The following PRG4 variants were observed in gnomAD, a reference collection of about 807,000 sequenced individuals.
PRG4 encodes the protein proteoglycan 4, also known as articular superficial zone protein.
PRG4 carries 61 observed loss-of-function variants against 91.2 expected under a neutral mutation model. That is an observed-to-expected ratio of 0.67 (90% CI 0.54 to 0.83). The LOEUF (loss-of-function observed/expected upper bound fraction) is 0.83. Among genes scored for constraint, PRG4 ranks in the 40% least tolerant of loss-of-function variants. The pLI, the probability that PRG4 is intolerant of heterozygous loss-of-function variation, is 0.00. For missense variants in PRG4, 1,564 were observed against 1,714.2 expected (o/e 0.91, Z 1.55); for synonymous variants, 576 against 614.2 (o/e 0.94, Z 0.92).
Position 186,304,782 on chromosome 1 carries a change from T to G in PRG4, c.470-12T>G. On this transcript the variant is annotated splice_polypyrimidine_tract_variant and intron_variant, in intron 5 of 12. Transcript: ENST00000445192. ...ACAGTTGGTGTGATCAAACTTTCTA[T>G]TTGATTTATAGAACATTCTGTTTCT... is the stretch of plus-strand genomic sequence containing the variant. 2.5e-6 allele frequency: 4 copies of G among 1,610,062 alleles called. No homozygotes were observed. Among genetic ancestry groups the G allele is most frequent in the Non-Finnish European group, 3.4e-6 (4 of 1,176,582 alleles).
chr1:186,303,812 G>C (rs1440561585), intron 4 of PRG4, among the ~76,000 whole-genome samples: 3 of 152,180 alleles, frequency 2.0e-5, no homozygotes, highest in African/African-American at 7.2e-5. Context: ...TGAAGTTCAA[G>C]ATAATTATTT....
chr1:186,301,457 C>A, intron 3 of PRG4, 135 bp from the exon 4 acceptor site: 1 of 1,291,218 alleles, frequency 7.7e-7, no homozygotes, highest in East Asian at 2.5e-5. Flanking sequence ...GGATGATGTA[C>A]TCCAAATTTC....
Position 186,306,851 on chromosome 1 carries a change from C to T in PRG4, c.1132C>T (p.Pro378Ser), listed in dbSNP as rs1417592943. The stretch of plus-strand genomic sequence containing the variant: ...CACCATCAAGTCTGCACCCACCACC[C>T]CCAAGGAGCCTGCACCCACCACCAC... ...PTTIKSAPTT[P>S]KEPAPTTTKS... Residue 378 changes from proline to serine, a missense_variant, in exon 7 of 13, where the codon CCC (proline) becomes TCC (serine). By Grantham distance (74) the Pro-to-Ser change is moderately conservative. Around this residue, in one of 3 missense-constraint regions of PRG4, gnomAD observed 437 missense variants for 459.0 expected, o/e 0.95. Transcript: ENST00000445192. 24 of 1,602,122 alleles carry T rather than the reference C, an allele frequency of 1.5e-5. No homozygotes were observed. The highest frequency in any genetic ancestry group is 1.4e-5 in the Non-Finnish European group (17 of 1,176,096).
chr1:186,299,755 A>C (rs1209575280), intron 2 of PRG4, among the ~76,000 whole-genome samples: 1 of 152,206 alleles, frequency 6.6e-6, no homozygotes, highest in Non-Finnish European at 1.5e-5. Flanking sequence ...AGAGAAGCTC[A>C]ATAAATGGCA....
chr1:186,298,083 A>G (rs1442059894), intron 2 of PRG4, among the ~76,000 whole-genome samples: 2 of 152,224 alleles, frequency 1.3e-5, no homozygotes, highest in Non-Finnish European at 2.9e-5. Flanking sequence ...TAAATAAATC[A>G]AATTAAAATT....
chr1:186,300,439 G>A (rs1474164866), intron 3 of PRG4, among the ~76,000 whole-genome samples: 1 of 152,186 alleles, frequency 6.6e-6, no homozygotes, highest in East Asian at 1.9e-4. Context: ...GATTATTGGG[G>A]AGGGTAAGGG....
At position 186,307,630 on chromosome 1, in the gene PRG4, T is replaced by C. The variant is rs549499549; in HGVS notation, c.1911T>C (p.Pro637=). ...CCGAGAAGCTCGCACCCACCACCCC[T>C]GAGAAGCCCGCACCCACCACCCCTG... is the stretch of plus-strand genomic sequence containing the variant. ...TTPEKLAPTT[P]EKPAPTTPEE... The change falls in exon 7 of 13, where the codon CCT becomes CCC. Residue 637 remains proline, a synonymous_variant. Coordinates refer to ENST00000445192, the MANE Select transcript of PRG4 (RefSeq NM_005807.6). 8.4e-4 allele frequency: 801 copies of C among 954,182 alleles called. 1 individual carries two copies. The highest frequency in any genetic ancestry group is 8.7e-4 in the Non-Finnish European group (684 of 784,800). The allele number at this position is 954,182 out of a possible 1,614,324, so 59.1% of individuals were successfully genotyped here.
At chr1:186,311,985 T>C (rs1184007382) in intron 10 of PRG4, 190 bp from the exon 11 acceptor site, 10 of 583,742 alleles carry the variant, frequency 1.7e-5, no homozygotes, top group Non-Finnish European at 6.0e-6. Flanking sequence ...CATCTATTCA[T>C]TCAACAAGTA....
At chr1:186,313,044 T>G (rs1289545499) in intron 12 of PRG4, 150 bp downstream of exon 12, 2 of 819,226 alleles carry the variant, frequency 2.4e-6, no homozygotes, top group East Asian at 5.3e-5. Flanking sequence ...GTTAAGACTT[T>G]TGCTTTAATT....
At chr1:186,300,460 G>A (rs2102010428) in intron 3 of PRG4, among the ~76,000 whole-genome samples, 2 of 152,338 alleles carry the variant, frequency 1.3e-5, no homozygotes, top group South Asian at 4.1e-4. Flanking sequence ...GAGCCTGGAA[G>A]TCTGTCACTT....
At chr1:186,296,628 A>C (rs114140926) in intron 1 of PRG4, among the ~76,000 whole-genome samples, 8 of 152,340 alleles carry the variant, frequency 5.3e-5, no homozygotes, top group African/African-American at 1.4e-4. Context: ...TAAAACTGTC[A>C]ATAACGTGGC....
Position 186,307,125 on chromosome 1 carries a change from C to A in PRG4, c.1406C>A (p.Pro469His), listed in dbSNP as rs2102022557. Residue 469 changes from proline (P) to histidine (H), a missense_variant, in exon 7 of 13, where the codon CCC (proline) becomes CAC (histidine). Physicochemically the swap from Pro to His is moderately conservative, Grantham distance 77 (BLOSUM62 -2). Coordinates refer to ENST00000445192, the MANE Select transcript of PRG4 (RefSeq NM_005807.6). ...CCCACCACTCCCAAGGAGCCTGCACCCACCACCAAGGAGCCTGCACCCACC... is the reference window on the plus strand; with the variant it reads ...CCCACCACTCCCAAGGAGCCTGCACACACCACCAAGGAGCCTGCACCCACC... Reference protein sequence around the residue: ...PTPTTPKEPAPTTKEPAPTTP... With the variant: ...PTPTTPKEPAHTTKEPAPTTP... 3 of 1,588,098 alleles carry A rather than the reference C, an allele frequency of 1.9e-6. No individual in the cohort carries two copies. In the East Asian group the frequency reaches 6.9e-5, roughly 37 times the overall value.
chr1:186,304,864 G>GA lies in PRG4; in HGVS notation c.544dup (p.Ile182AsnfsTer10), dbSNP rs780377387. 2 of 1,612,976 alleles carry GA rather than the reference G, an allele frequency of 1.2e-6. No individual in the cohort carries two copies. Among genetic ancestry groups the GA allele is most frequent in the South Asian group, 1.1e-5 (1 of 91,046 alleles). ...CTTCCTCTTCTTCTTCAACAATTCGGAAAATCAAGTCTTCCAAAAATTCAG... is the reference window on the plus strand; with the variant it reads ...CTTCCTCTTCTTCTTCAACAATTCGGAAAAATCAAGTCTTCCAAAAATTCAG... On this transcript the variant is annotated frameshift_variant, in exon 6 of 13. Transcript: ENST00000445192. LOFTEE classifies it high-confidence loss of function.
intron 9 of PRG4, 113 bp downstream of exon 9, chr1:186,311,283 C>G (rs966093153): frequency 7.0e-7 from 1 of 1,429,360 alleles, no homozygotes. Flanking sequence ...ACTCTGTCAT[C>G]AAAATTTAAT....
intron 2 of PRG4, 75 bp downstream of exon 2, chr1:186,297,026 A>T (rs1571545488): frequency 7.7e-7 from 1 of 1,301,798 alleles, no homozygotes; most frequent in Admixed American, 1.8e-5. Context: ...ATAACAACGG[A>T]AATATATTTC....
At position 186,309,647 on chromosome 1, in the gene PRG4, A is replaced by G. The variant is rs545112469; in HGVS notation, c.3422-146A>G. On this transcript the variant is annotated intron_variant, in intron 7 of 12. Coordinates refer to ENST00000445192, the MANE Select transcript of PRG4 (RefSeq NM_005807.6). ...TAAGTAAAATGGAATTATCAAGTAT[A>G]TAACTATGCAAACAGGTCAAACTGT... 1.4e-4 allele frequency: 92 copies of G among 667,816 alleles called. 1 individual carries two copies. The highest frequency in any genetic ancestry group is 7.0e-4 in the South Asian group (42 of 60,012). The allele number at this position is 667,816 out of a possible 1,614,324, so 41.4% of individuals were successfully genotyped here. A position where few individuals can be genotyped will look rare whatever the true frequency, so the allele number is the denominator to read the frequency against.
Position 186,302,430 on chromosome 1 carries a change from ACTTTCCTTTACCAAATGGTTGTT to A in PRG4, c.319+723_319+745del, listed in dbSNP as rs762772973. ...TAAAAATATACTTGAATACTGGATTACTTTCCTTTACCAAATGGTTGTTCTTAAATTCTACTTTGTTAAAACAA... is the reference window on the plus strand; with the variant it reads ...TAAAAATATACTTGAATACTGGATTACTTAAATTCTACTTTGTTAAAACAA... On this transcript the variant is annotated intron_variant, in intron 4 of 12. Coordinates refer to ENST00000445192, the MANE Select transcript of PRG4 (RefSeq NM_005807.6). 2.8e-4 allele frequency among the ~76,000 whole-genome samples: 43 copies of A among 152,254 alleles called. 1 individual carries two copies. The highest frequency in any genetic ancestry group is 2.9e-5 in the Non-Finnish European group (2 of 68,034).
intron 2 of PRG4, 98 bp from the exon 3 acceptor site, chr1:186,299,993 A>C: frequency 7.0e-7 from 1 of 1,437,194 alleles, no homozygotes; most frequent in Non-Finnish European, 9.8e-7. Context: ...TCGATCAATA[A>C]AATTCTCTCT....
chr1:186,303,065 C>G (rs973742914), intron 4 of PRG4, among the ~76,000 whole-genome samples: 5 of 152,130 alleles, frequency 3.3e-5, no homozygotes, highest in Admixed American at 6.5e-5. Context: ...AATAACCAAA[C>G]TATCTTGAGA....
Sources: allele counts gnomAD v4.1 joint callset (sites outside exome capture counted in the v4.1 genomes callset), GRCh38; gene constraint gnomAD v4.1.1; regional missense constraint gnomAD v4.1.1; transcripts MANE v1.5; gene names NCBI Gene and HGNC (gene_info 2026-07-23, HGNC 2026-07-21).